The following DMD variants were observed in gnomAD, a reference collection of about 807,000 sequenced individuals.
The protein encoded by DMD is dystrophin.
A neutral mutation model predicts 330.1 loss-of-function variants in DMD; 63 were observed. The observed-to-expected ratio is 0.19, with a 90% CI of 0.16 to 0.24. The LOEUF (loss-of-function observed/expected upper bound fraction) is 0.24, where lower values mean the gene tolerates loss of function less well. DMD is among the 10% of genes least tolerant of loss of function. The pLI is 1.00. For synonymous variants in DMD, 1,223 were observed against 959.8 expected (o/e 1.27, Z -5.07); for missense variants, 3,344 against 2,684.1 (o/e 1.25, Z -5.43).
intron 44 of DMD, among the ~76,000 whole-genome samples, chrX:32,000,245 A>G (rs918068561): frequency 1.8e-5 from 2 of 112,254 alleles, no homozygotes; most frequent in African/African-American, 6.5e-5. Flanking sequence ...CTCTGACTCT[A>G]TAAGTGTACA....
rs1424216983 is a variant in DMD, at chrX:31,318,498, C to T, written c.9224+5100G>A. The stretch of plus-strand genomic sequence containing the variant: ...CTTCATCCAATAAGGTTTTATATCG[C>T]ATTTTGCTAAGCAGGAAGCAGCAGA... On this transcript the variant is annotated intron_variant, in intron 62 of 78. Transcript: ENST00000357033. Among the ~76,000 whole-genome samples the T allele has an allele frequency of 7.1e-5, 8 of 112,239 alleles. No homozygotes were observed. In the East Asian group the frequency reaches 1.9e-3, roughly 27 times the overall value.
chrX:32,200,664 TTTAA>T (rs2097031353), intron 44 of DMD, among the ~76,000 whole-genome samples: 1 of 112,124 alleles, frequency 8.9e-6, no homozygotes, highest in Non-Finnish European at 1.9e-5. Context: ...ATGAAGTCAA[TTTAA>T]TTATATATTT....
Position 32,733,665 on chromosome X carries a change from G to A in DMD, c.650-34372C>T, listed in dbSNP as rs769388464. On this transcript the variant is annotated intron_variant, in intron 7 of 78. Transcript: ENST00000357033. ...GAACAACCTCCTCCTGAATGACTAC[G>A]GGGTGCATAATGAAATGAAGGCAGA... 1.3e-3 allele frequency among the ~76,000 whole-genome samples: 150 copies of A among 111,216 alleles called. 1 individual carries two copies. The highest frequency in any genetic ancestry group is 2.3e-3 in the East Asian group (8 of 3,537).
At chrX:31,216,700 T>C (rs2045445289) in intron 64 of DMD, among the ~76,000 whole-genome samples, 1 of 111,554 alleles carries the variant, frequency 9.0e-6, no homozygotes, top group East Asian at 2.8e-4. Flanking sequence ...TTGTAAGCCA[T>C]GTTATTGTGG....
At chrX:32,848,597 G>A (rs1192311343) in intron 3 of DMD, among the ~76,000 whole-genome samples, 2 of 70,220 alleles carry the variant, frequency 2.8e-5, no homozygotes, top group Non-Finnish European at 4.7e-5. Flanking sequence ...CATAGCTGAA[G>A]ATAAAAAATG....
intron 29 of DMD, chrX:32,412,174 G>C (rs1410760484): frequency 9.1e-7 from 1 of 1,104,898 alleles, no homozygotes. Flanking sequence ...TAAGGAAATA[G>C]GCTGGAAAAA....
intron 9 of DMD, among the ~76,000 whole-genome samples, chrX:32,663,317 G>A (rs991541767): frequency 2.7e-5 from 3 of 111,150 alleles, no homozygotes; most frequent in African/African-American, 9.8e-5. Context: ...TTATTATTTT[G>A]CTTTTTAATA....
At chrX:31,463,723 T>C (rs16989651) in intron 59 of DMD, among the ~76,000 whole-genome samples, 13,286 of 111,396 alleles carry the variant, frequency 0.12, 1,051 homozygotes, top group African/African-American at 0.29. Context: ...GCACTGTTTC[T>C]AGTTAATGTG....
At chrX:32,694,279 T>G (rs778236425) in intron 9 of DMD, among the ~76,000 whole-genome samples, 3 of 111,882 alleles carry the variant, frequency 2.7e-5, no homozygotes, top group Non-Finnish European at 3.8e-5. Flanking sequence ...AACATCTATG[T>G]GTTGACTTCT....
At chrX:31,277,847 T>C (rs1430381979) in intron 62 of DMD, among the ~76,000 whole-genome samples, 2 of 110,849 alleles carry the variant, frequency 1.8e-5, no homozygotes. Context: ...ATAGAAAATA[T>C]GACAGTGTAG....
At chrX:32,808,539 TTGA>T (rs2077118402) in intron 7 of DMD, among the ~76,000 whole-genome samples, 1 of 111,524 alleles carries the variant, frequency 9.0e-6, no homozygotes, top group African/African-American at 3.3e-5. Context: ...TAGATTCTGG[TTGA>T]TAATAAATTC....
rs1424396343 is a variant in DMD, at chrX:32,723,499, T to C, written c.650-24206A>G. On this transcript the variant is annotated intron_variant, in intron 7 of 78. Coordinates refer to ENST00000357033, the MANE Select transcript of DMD (RefSeq NM_004006.3). Reference sequence around the variant, plus strand: ...AGATTTTAAGAACAAATGGTATAAATTACTCTTTAAATGTTTGGAAGAAAT... The same window carrying C: ...AGATTTTAAGAACAAATGGTATAAACTACTCTTTAAATGTTTGGAAGAAAT... 2.8e-4 allele frequency among the ~76,000 whole-genome samples: 31 copies of C among 111,546 alleles called. No individual in the cohort carries two copies. The Admixed American group carries it at 3.0e-3, about 11-fold the overall frequency.
Position 32,491,532 on chromosome X carries a change from A to C in DMD, c.2381-14T>G. The C allele has an allele frequency of 1.7e-6, 2 of 1,197,134 alleles. No individual in the cohort carries two copies. The highest frequency in any genetic ancestry group is 2.3e-6 in the Non-Finnish European group (2 of 886,463). On this transcript the variant is annotated splice_polypyrimidine_tract_variant and intron_variant, in intron 19 of 78. Transcript: ENST00000357033. The stretch of plus-strand genomic sequence containing the variant: ...CATTAACACCCTCTAGAAAGAAAAA[A>C]ATAATTAAATATATCCCCTGAACCC...
At chrX:31,227,782 G>A (rs2046765623) in intron 63 of DMD, among the ~76,000 whole-genome samples, 1 of 110,938 alleles carries the variant, frequency 9.0e-6, no homozygotes, top group South Asian at 3.9e-4. Context: ...TCCTTGAGCA[G>A]TGGTTTGTAG....
chrX:32,381,121 G>T, intron 33 of DMD, among the ~76,000 whole-genome samples: 1 of 111,495 alleles, frequency 9.0e-6, no homozygotes, highest in South Asian at 3.7e-4. Flanking sequence ...GAAGATAGAA[G>T]ATTAATTCTC....
intron 11 of DMD, among the ~76,000 whole-genome samples, chrX:32,628,720 C>A (rs976401057): frequency 1.8e-5 from 2 of 110,551 alleles, no homozygotes; most frequent in African/African-American, 6.6e-5. Context: ...ATTGCGTTTC[C>A]TTTTTCATTC....
At position 31,651,014 on chromosome X, in the gene DMD, G is replaced by A. The variant is rs1042576360; in HGVS notation, c.8027+6976C>T. Among the ~76,000 whole-genome samples, 7 of 112,029 alleles carry A rather than the reference G, an allele frequency of 6.2e-5. 1 individual carries two copies. Among genetic ancestry groups the A allele is most frequent in the Non-Finnish European group, 1.3e-4 (7 of 53,135 alleles). ...GATGAGGTGACAATAGGGATAAAGA[G>A]AGGGAATTGTTTCTAGAGCAATTTT... On this transcript the variant is annotated intron_variant, in intron 54 of 78. Transcript: ENST00000357033.
At chrX:31,603,149 A>G (rs2077450183) in intron 55 of DMD, among the ~76,000 whole-genome samples, 1 of 110,755 alleles carries the variant, frequency 9.0e-6, no homozygotes, top group Admixed American at 9.7e-5. Flanking sequence ...TATGTGGTAT[A>G]GACCCGAACA....
chrX:32,559,319 G>T (rs2050732890), intron 16 of DMD, among the ~76,000 whole-genome samples: 1 of 110,635 alleles, frequency 9.0e-6, no homozygotes, highest in African/African-American at 3.3e-5. Context: ...CAAATTTAAG[G>T]GAGTTAATTC....
Sources: allele counts gnomAD v4.1 joint callset (sites outside exome capture counted in the v4.1 genomes callset), GRCh38; gene constraint gnomAD v4.1.1; transcripts MANE v1.5; gene names NCBI Gene and HGNC (gene_info 2026-07-23, HGNC 2026-07-21).